The following CCBE1 variants were observed in gnomAD, a reference collection of about 807,000 sequenced individuals.
CCBE1 encodes collagen and calcium-binding EGF domain-containing protein 1.
CCBE1 carries 37 observed loss-of-function variants against 50.0 expected under a neutral mutation model. The ratio of observed to expected loss-of-function variants is 0.74; its 90% CI spans 0.57 to 0.97. The LOEUF is 0.97. CCBE1 is among the 50% of genes least tolerant of loss of function. The probability of loss-of-function intolerance (pLI) is 0.00; values close to 1 mark genes in which losing one functional copy is unlikely to be tolerated. For synonymous variants in CCBE1, 234 were observed against 203.7 expected (o/e 1.15, Z -1.27); for missense variants, 538 against 523.8 (o/e 1.03, Z -0.26).
chr18:59,587,898 T>C (rs1319998773), intron 2 of CCBE1, among the ~76,000 whole-genome samples: 3 of 152,222 alleles, frequency 2.0e-5, no homozygotes, highest in Admixed American at 1.3e-4. Context: ...TTTTTGAAGA[T>C]ACTATTTTTG....
chr18:59,497,372 T>C (rs968335286), intron 2 of CCBE1, among the ~76,000 whole-genome samples: 15 of 152,256 alleles, frequency 9.9e-5, no homozygotes, highest in African/African-American at 2.9e-4. Flanking sequence ...CTGAGTAATA[T>C]ACTGAGCAAA....
chr18:59,690,763 A>C (rs1040006095), intron 2 of CCBE1, among the ~76,000 whole-genome samples: 1 of 152,262 alleles, frequency 6.6e-6, no homozygotes, highest in Admixed American at 6.5e-5. Flanking sequence ...GAAGTGATAC[A>C]GAACCTTCCC....
chr18:59,513,160 T>C (rs1249837740), intron 2 of CCBE1, among the ~76,000 whole-genome samples: 1 of 152,014 alleles, frequency 6.6e-6, no homozygotes, highest in Non-Finnish European at 1.5e-5. Flanking sequence ...ATACAAAAAT[T>C]AGCTGGGTGT....
At chr18:59,692,754 C>T (rs1055745192) in intron 2 of CCBE1, among the ~76,000 whole-genome samples, 5 of 152,118 alleles carry the variant, frequency 3.3e-5, no homozygotes, top group Non-Finnish European at 7.4e-5. Context: ...CCCATGGGAA[C>T]ATTGAGCTGC....
intron 2 of CCBE1, among the ~76,000 whole-genome samples, chr18:59,542,763 T>TC (rs150731123): frequency 2.0e-5 from 3 of 152,138 alleles, no homozygotes; most frequent in African/African-American, 7.2e-5. Flanking sequence ...CATCCTTTCC[T>TC]CCCCGCAGGC....
At chr18:59,502,700 A>T (rs1332868109) in intron 2 of CCBE1, among the ~76,000 whole-genome samples, 1 of 152,044 alleles carries the variant, frequency 6.6e-6, no homozygotes, top group African/African-American at 2.4e-5. Flanking sequence ...CCCCGCAAAA[A>T]AAAAGGCACA....
At chr18:59,507,772 CT>C in intron 2 of CCBE1, among the ~76,000 whole-genome samples, 1 of 152,288 alleles carries the variant, frequency 6.6e-6, no homozygotes. Context: ...TCAACATTTC[CT>C]TTGTGATTAA....
intron 2 of CCBE1, among the ~76,000 whole-genome samples, chr18:59,556,029 A>G (rs1337204786): frequency 6.6e-6 from 1 of 152,150 alleles, no homozygotes; most frequent in African/African-American, 2.4e-5. Context: ...CTTTTTCAGG[A>G]TTCGTGCAGA....
intron 2 of CCBE1, among the ~76,000 whole-genome samples, chr18:59,694,122 C>A (rs2564471): frequency 0.39 from 58,781 of 151,674 alleles, 12,395 homozygotes; most frequent in Non-Finnish European, 0.48. Flanking sequence ...CACCCACCTC[C>A]GCCTCCCAAA....
At chr18:59,444,868 T>C (rs1158553481) in intron 7 of CCBE1, among the ~76,000 whole-genome samples, 3 of 152,222 alleles carry the variant, frequency 2.0e-5, no homozygotes, top group Non-Finnish European at 4.4e-5. Context: ...GAAATGTCTA[T>C]TCAAGTCCTT....
chr18:59,661,752 G>A (rs1225777760), intron 2 of CCBE1, among the ~76,000 whole-genome samples: 1 of 152,182 alleles, frequency 6.6e-6, no homozygotes, highest in Non-Finnish European at 1.5e-5. Flanking sequence ...AGGATGACTT[G>A]AGGCCAGGAG....
chr18:59,613,947 T>C (rs900694471), intron 2 of CCBE1, among the ~76,000 whole-genome samples: 9 of 139,162 alleles, frequency 6.5e-5, no homozygotes, highest in Non-Finnish European at 1.2e-4. Flanking sequence ...GAATCTCAGC[T>C]CACTGCAACT....
At chr18:59,643,258 C>G (rs2054014287) in intron 2 of CCBE1, among the ~76,000 whole-genome samples, 1 of 152,120 alleles carries the variant, frequency 6.6e-6, no homozygotes, top group Non-Finnish European at 1.5e-5. Context: ...AAATATTTGA[C>G]TCTAATTTTC....
At chr18:59,468,835 A>AG (rs1220136047) in intron 4 of CCBE1, among the ~76,000 whole-genome samples, 1 of 87,976 alleles carries the variant, frequency 1.1e-5, no homozygotes, top group African/African-American at 4.3e-5. Flanking sequence ...AGAAAAGGCC[A>AG]GGTTTTTTTT....
intron 2 of CCBE1, among the ~76,000 whole-genome samples, chr18:59,496,020 A>G (rs1031753203): frequency 3.9e-5 from 6 of 152,244 alleles, no homozygotes; most frequent in Admixed American, 6.5e-5. Context: ...TTTAATTAGA[A>G]GAGAGAAACT....
intron 2 of CCBE1, among the ~76,000 whole-genome samples, chr18:59,663,360 G>C (rs957480466): frequency 2.0e-5 from 3 of 152,194 alleles, no homozygotes; most frequent in African/African-American, 7.2e-5. Flanking sequence ...ACAGAAGAGA[G>C]AACATCAAGT....
chr18:59,496,272 G>A (rs1913351417), intron 2 of CCBE1, among the ~76,000 whole-genome samples: 1 of 152,136 alleles, frequency 6.6e-6, no homozygotes, highest in African/African-American at 2.4e-5. Context: ...CACCTAGAAG[G>A]CAGGGGTTGA....
intron 2 of CCBE1, among the ~76,000 whole-genome samples, chr18:59,551,023 A>AAAAGAAAAAAG (rs1568201629): frequency 1.4e-5 from 2 of 141,444 alleles, no homozygotes; most frequent in African/African-American, 5.5e-5. Context: ...AAAAAAAAAA[A>AAAAGAAAAAAG]AAAAAAGAAA....
chr18:59,599,556 A>G (rs1016675791), intron 2 of CCBE1, among the ~76,000 whole-genome samples: 13 of 152,166 alleles, frequency 8.5e-5, no homozygotes, highest in African/African-American at 3.1e-4. Context: ...ATATAGTCAC[A>G]TTTCATTCCT....
Sources: gnomAD v4.1 joint callset for allele counts (sites outside exome capture counted in the v4.1 genomes callset) on GRCh38, gnomAD v4.1.1 for gene constraint, MANE v1.5 for transcripts, NCBI Gene and HGNC (gene_info 2026-07-23, HGNC 2026-07-21) for gene names.